Variants in BOLL observed in about 807,000 individuals in gnomAD.
BOLL encodes protein boule-like.
Under a neutral mutation model 44.4 loss-of-function variants are expected in BOLL, and 23 were observed. The observed-to-expected ratio is 0.52, with a 90% CI of 0.37 to 0.73. The LOEUF is 0.73. Among genes scored for constraint, BOLL ranks in the 30% least tolerant of loss-of-function variants. BOLL has a pLI of 0.00. For missense variants in BOLL, 287 were observed against 338.3 expected, an observed-to-expected ratio of 0.85 and a Z score of 1.19; for synonymous variants, 97 against 110.8, an observed-to-expected ratio of 0.88 and a Z score of 0.78.
In BOLL at chr2:197,779,002, A is replaced by C; in HGVS notation, c.194T>G (p.Val65Gly). 1 of 1,611,670 alleles carries C rather than the reference A, an allele frequency of 6.2e-7. No individual in the cohort carries two copies. The highest frequency in any genetic ancestry group is 1.7e-5 in the Admixed American group (1 of 59,856). The change falls in exon 3 of 11, where the codon GTA becomes GGA. Residue 65 changes from valine (V) to glycine (G), a missense_variant. Val to Gly is a moderately radical substitution (Grantham distance 109). Transcript: ENST00000392296. ...QYGSVKEVKIVNDRAGVSKGY... is the reference protein window; with the variant it reads ...QYGSVKEVKIGNDRAGVSKGY... ...TTTGGATACTCCAGCTCTGTCATTTACAATCTTCACTTCTTTCACAGACCC... is the reference window on the plus strand; with the variant it reads ...TTTGGATACTCCAGCTCTGTCATTTCCAATCTTCACTTCTTTCACAGACCC...
chr2:197,775,967 A>G (rs1689490598), intron 4 of BOLL, among the ~76,000 whole-genome samples: 1 of 151,800 alleles, frequency 6.6e-6, no homozygotes, highest in Admixed American at 6.6e-5. Flanking sequence ...TTACTCATGG[A>G]TTCTGTATTT....
intron 10 of BOLL, among the ~76,000 whole-genome samples, chr2:197,729,966 T>A (rs1363073579): frequency 6.6e-6 from 1 of 152,058 alleles, no homozygotes; most frequent in African/African-American, 2.4e-5. Context: ...GGATGGGGAA[T>A]GACTTTGACG....
intron 10 of BOLL, among the ~76,000 whole-genome samples, chr2:197,732,407 C>T (rs1316649984): frequency 6.6e-6 from 1 of 152,160 alleles, no homozygotes; most frequent in Non-Finnish European, 1.5e-5. Flanking sequence ...ACCATTCCTT[C>T]TGAAACTATT....
At chr2:197,732,959 A>C (rs1455383736) in intron 10 of BOLL, among the ~76,000 whole-genome samples, 2 of 140,590 alleles carry the variant, frequency 1.4e-5, no homozygotes, top group African/African-American at 5.4e-5. Context: ...AGTTCTGGCC[A>C]GGGCAATTAG....
chr2:197,769,115 A>C (rs1414638559), intron 6 of BOLL, among the ~76,000 whole-genome samples: 1 of 151,868 alleles, frequency 6.6e-6, no homozygotes, highest in Non-Finnish European at 1.5e-5. Context: ...TATTGGTCTA[A>C]AATTCTCTTT....
chr2:197,785,485 G>C, upstream of BOLL: 1 of 727,040 alleles, frequency 1.4e-6, no homozygotes, highest in Non-Finnish European at 1.7e-6. The surrounding 1 kb of genome is among the most constrained non-coding windows in gnomAD (Gnocchi z 6.7). Context: ...TAGAGTGTCC[G>C]GGTCCCGCCT....
intron 9 of BOLL, among the ~76,000 whole-genome samples, chr2:197,752,924 CA>C (rs1412554814): frequency 3.3e-5 from 5 of 152,146 alleles, no homozygotes; most frequent in African/African-American, 4.8e-5. Context: ...CTACACTAAC[CA>C]AAACAGCATG....
intron 7 of BOLL, among the ~76,000 whole-genome samples, chr2:197,761,102 C>T (rs1212638876): frequency 6.6e-6 from 1 of 152,022 alleles, no homozygotes; most frequent in Non-Finnish European, 1.5e-5. Flanking sequence ...AGGAAGATTG[C>T]CTGAGCCCAG....
chr2:197,731,272 A>AAT (rs1427059242), intron 10 of BOLL, among the ~76,000 whole-genome samples: 1 of 151,084 alleles, frequency 6.6e-6, no homozygotes, highest in African/African-American at 2.4e-5. Context: ...AACTATCCTA[A>AAT]ATATATATGC....
intron 7 of BOLL, among the ~76,000 whole-genome samples, chr2:197,760,550 C>T (rs1688710000): frequency 6.6e-6 from 1 of 152,238 alleles, no homozygotes; most frequent in Admixed American, 6.5e-5. Flanking sequence ...TGGCCCCAAG[C>T]CCAGTGAGCC....
At chr2:197,741,568 C>T (rs1265520267) in intron 10 of BOLL, among the ~76,000 whole-genome samples, 9 of 152,012 alleles carry the variant, frequency 5.9e-5, no homozygotes, top group Admixed American at 2.0e-4. Context: ...GGGAAAGGAT[C>T]CCCTATTTAA....
At chr2:197,786,067 C>T (rs977634176), upstream of BOLL, 26 of 1,576,746 alleles carry the variant, frequency 1.6e-5, 1 homozygote, top group Admixed American at 3.3e-4. This position sits in a 1 kb window ranked among gnomAD's most constrained non-coding sequence, Gnocchi z 5.9. Flanking sequence ...AAACCACCTT[C>T]ACGCCAAGGC....
rs1686908747 is a variant in BOLL at position 197,727,771 on chromosome 2, G to T, written c.*784C>A. The T allele has an allele frequency of 6.6e-6, 1 of 152,184 alleles. No individual in the cohort carries two copies. The highest frequency in any genetic ancestry group is 1.5e-5 in the Non-Finnish European group (1 of 67,996). 9.4% of individuals were successfully genotyped at this position (152,184 alleles called of 1,614,324 possible). The stretch of plus-strand genomic sequence containing the variant: ...GAACCCTTTTATCAAAATTCCAAAG[G>T]TGGATCCATATTTTATAAAATTTGA... On this transcript the variant is annotated 3_prime_UTR_variant, in exon 11 of 11. Transcript: ENST00000392296.
At chr2:197,737,543 T>C (rs899448041) in intron 10 of BOLL, among the ~76,000 whole-genome samples, 11 of 152,128 alleles carry the variant, frequency 7.2e-5, no homozygotes, top group Non-Finnish European at 1.3e-4. Flanking sequence ...ACCCTCCTTA[T>C]ATATTCAGAG....
In BOLL at chr2:197,760,959, G is replaced by GA. The variant is rs538802892; in HGVS notation, c.553-3560dup. Among the ~76,000 whole-genome samples the GA allele has an allele frequency of 7.8e-4, 118 of 152,104 alleles. 7 individuals are homozygous for GA. The highest frequency in any genetic ancestry group is 6.6e-3 in the East Asian group (34 of 5,178). On this transcript the variant is annotated intron_variant, in intron 7 of 10. Transcript: ENST00000392296. ...TTTAGATATATTCAAAATATTGAAG[G>GA]AAAAAAACCTGCCAGCCAAGAATAT...
At chr2:197,780,280 A>T (rs752313242) in intron 2 of BOLL, among the ~76,000 whole-genome samples, 8 of 152,046 alleles carry the variant, frequency 5.3e-5, no homozygotes, top group South Asian at 2.1e-4. Context: ...ACTTGCTATT[A>T]AAGTAAATGA....
At chr2:197,735,600 C>T (rs1687448771) in intron 10 of BOLL, among the ~76,000 whole-genome samples, 1 of 152,032 alleles carries the variant, frequency 6.6e-6, no homozygotes, top group Non-Finnish European at 1.5e-5. Context: ...TGTGCCTGTG[C>T]CCTCTAGCCA....
At chr2:197,729,694 C>G (rs551652772) in intron 10 of BOLL, among the ~76,000 whole-genome samples, 11 of 152,320 alleles carry the variant, frequency 7.2e-5, no homozygotes, top group Admixed American at 2.0e-4. Context: ...CACCCCCCAC[C>G]AGGGGCACAC....
At chr2:197,729,717 G>C (rs7582285) in intron 10 of BOLL, among the ~76,000 whole-genome samples, 1,732 of 151,918 alleles carry the variant, frequency 0.011, 25 homozygotes, top group Admixed American at 0.021. Flanking sequence ...ACACCTCACA[G>C]GGCAGGGTAT....
Sources: allele counts gnomAD v4.1 joint callset (sites outside exome capture counted in the v4.1 genomes callset), GRCh38; gene constraint gnomAD v4.1.1; non-coding constraint Gnocchi (gnomAD v3.1); transcripts MANE v1.5; gene names NCBI Gene and HGNC (gene_info 2026-07-23, HGNC 2026-07-21).